The following TRRAP variants were observed in gnomAD, a reference collection of about 807,000 sequenced individuals.
TRRAP encodes the protein transformation/transcription domain-associated protein.
Under a neutral mutation model 438.8 loss-of-function variants are expected in TRRAP, and 41 were observed. The observed-to-expected ratio is 0.09, with a 90% CI of 0.07 to 0.12. The LOEUF (loss-of-function observed/expected upper bound fraction) is 0.12. Among genes scored for constraint, TRRAP ranks in the 10% least tolerant of loss-of-function variants. The probability of loss-of-function intolerance (pLI) is 1.00; values close to 1 mark genes in which losing one functional copy is unlikely to be tolerated. For missense variants in TRRAP, 3,122 were observed against 5,055.1 expected, an observed-to-expected ratio of 0.62 and a Z score of 11.60; for synonymous variants, 1,994 against 1,962.9, an observed-to-expected ratio of 1.02 and a Z score of -0.42.
chr7:98,973,219 A>C (rs1792496940), intron 53 of TRRAP, among the ~76,000 whole-genome samples: 1 of 152,126 alleles, frequency 6.6e-6, no homozygotes, highest in African/African-American at 2.4e-5. Flanking sequence ...ACCTCAGGTG[A>C]TCTGCCTGCC....
At chr7:98,963,675 C>A (rs377679934) in intron 47 of TRRAP, among the ~76,000 whole-genome samples, 1 of 152,220 alleles carries the variant, frequency 6.6e-6, no homozygotes, top group South Asian at 2.1e-4. Context: ...TACAACCAGA[C>A]TGGTCTTTTG....
chr7:98,881,741 G>T (rs1554403141), intron 2 of TRRAP: 3 of 465,070 alleles, frequency 6.5e-6, no homozygotes, highest in Non-Finnish European at 1.1e-5. Context: ...AAAGAGGCAC[G>T]TGTGTGTGTT....
At position 98,917,427 on chromosome 7, in the gene TRRAP, G is replaced by A. The variant is rs1554409690; in HGVS notation, c.2370G>A (p.Leu790=). 1 of 1,614,056 alleles carries A rather than the reference G, an allele frequency of 6.2e-7. No homozygotes were observed. Among genetic ancestry groups the A allele is most frequent in the Non-Finnish European group, 8.5e-7 (1 of 1,179,940 alleles). The change falls in exon 20 of 73, where the codon CTG becomes CTA. Residue 790 remains leucine (L), a synonymous_variant. Coordinates refer to ENST00000456197, the MANE Select transcript of TRRAP (RefSeq NM_001375524.1). ...TAGCTGCACCCCCTTCCCTAGGGCT[G>A]AACATGCTTCAGAGTGGCCTGCACA... is the stretch of plus-strand genomic sequence containing the variant. ...LPLLPNLLQG[L]NMLQSGLHKQ... is the part of the protein sequence containing the mutation.
At chr7:98,975,184 T>C (rs1792600176) in intron 53 of TRRAP, among the ~76,000 whole-genome samples, 1 of 152,248 alleles carries the variant, frequency 6.6e-6, no homozygotes, top group African/African-American at 2.4e-5. Flanking sequence ...TTAGGAGCGT[T>C]CTTTACCTAA....
Position 98,976,931 on chromosome 7 carries a change from G to C in TRRAP, c.8248-8G>C, listed in dbSNP as rs772796983. The C allele has an allele frequency of 3.1e-6, 5 of 1,613,918 alleles. No individual in the cohort carries two copies. Among genetic ancestry groups the C allele is most frequent in the Non-Finnish European group, 2.5e-6 (3 of 1,180,038 alleles). The stretch of plus-strand genomic sequence containing the variant: ...CAAGCACTCAGGAACCTTACTTTGT[G>C]TTTTCAGGAGATACTGGATTCCCTT... On this transcript the variant is annotated splice_region_variant and splice_polypyrimidine_tract_variant and intron_variant, in intron 55 of 72. Transcript: ENST00000456197. This position sits in a 1 kb window ranked among gnomAD's most constrained non-coding sequence, Gnocchi z 4.6.
chr7:98,970,234 G>C lies in TRRAP; in HGVS notation c.7635G>C (p.Met2545Ile), dbSNP rs1047126452. 14 of 1,613,578 alleles carry C rather than the reference G, an allele frequency of 8.7e-6. No homozygotes were observed. Among genetic ancestry groups the C allele is most frequent in the Middle Eastern group, 1.6e-4 (1 of 6,084 alleles). ...ADSHDRAAFAMVTHVKQEPRE... is the reference protein window; with the variant it reads ...ADSHDRAAFAIVTHVKQEPRE... ...GCCACGACCGTGCCGCCTTCGCCAT[G>C]GTCACACATGTCAAGCAGGAGCCCC... The change falls in exon 52 of 73, where the codon ATG becomes ATC. Residue 2545 changes from methionine to isoleucine, a missense_variant. By Grantham distance (10) the Met-to-Ile change is conservative (BLOSUM62 1). Around this residue, in one of 24 missense-constraint regions of TRRAP, gnomAD observed 992 missense variants for 1,281.2 expected, o/e 0.77. Coordinates refer to ENST00000456197, the MANE Select transcript of TRRAP (RefSeq NM_001375524.1).
intron 52 of TRRAP, among the ~76,000 whole-genome samples, 153 bp downstream of exon 52, chr7:98,970,444 G>T (rs1445365667): frequency 6.0e-5 from 9 of 149,490 alleles, no homozygotes. Context: ...CAGAATCCCA[G>T]AGGAGTGGAG....
chr7:98,955,571 T>G (rs1452154957), intron 41 of TRRAP, among the ~76,000 whole-genome samples: 5 of 152,208 alleles, frequency 3.3e-5, no homozygotes, highest in African/African-American at 1.2e-4. Flanking sequence ...CCTTGTATGC[T>G]GCTAAGTTTG....
Position 98,893,816 on chromosome 7 carries a change from G to T in TRRAP, c.385G>T (p.Val129Phe). The T allele has an allele frequency of 6.2e-7, 1 of 1,613,050 alleles. No individual in the cohort carries two copies. The highest frequency in any genetic ancestry group is 8.5e-7 in the Non-Finnish European group (1 of 1,179,542). ...TTTTTAGACGGAAAATGAAGAAAATGTTCTTATTTGTCTAAGAATAATTAT... is the reference window on the plus strand; with the variant it reads ...TTTTTAGACGGAAAATGAAGAAAATTTTCTTATTTGTCTAAGAATAATTAT... ...RFLETENEEN[V>F]LICLRIIIEL... The change falls in exon 6 of 73, where the codon GTT (valine) becomes TTT (phenylalanine). Residue 129 changes from valine to phenylalanine, a missense_variant. By Grantham distance (50) the Val-to-Phe change is conservative. Around this residue, in one of 24 missense-constraint regions of TRRAP, gnomAD observed 343 missense variants for 564.0 expected, o/e 0.61. Coordinates refer to ENST00000456197, the MANE Select transcript of TRRAP (RefSeq NM_001375524.1).
In TRRAP at chr7:98,912,201, A is replaced by G. The variant is rs1554408898; in HGVS notation, c.2187A>G (p.Glu729=). The change falls in exon 18 of 73, where the codon GAA becomes GAG. Residue 729 remains glutamate, a synonymous_variant. Coordinates refer to ENST00000456197, the MANE Select transcript of TRRAP (RefSeq NM_001375524.1). The part of the protein sequence containing the change: ...GSVSLFAAEN[E]QMLKPHLHKI... Reference sequence around the variant, plus strand: ...TCTCCCTCTTTGCAGCTGAAAATGAACAAATGCTGAAGGTAAAGTCCATTT... The same window carrying G: ...TCTCCCTCTTTGCAGCTGAAAATGAGCAAATGCTGAAGGTAAAGTCCATTT... 1.2e-6 allele frequency: 2 copies of G among 1,613,542 alleles called. No homozygotes were observed. Among genetic ancestry groups the G allele is most frequent in the Non-Finnish European group, 1.7e-6 (2 of 1,179,806 alleles).
chr7:99,010,400 C>T (rs540580006), intron 70 of TRRAP, among the ~76,000 whole-genome samples: 94 of 152,302 alleles, frequency 6.2e-4, no homozygotes, highest in Non-Finnish European at 2.4e-4. Context: ...CATGTGTCGC[C>T]GGTGGCCTCC....
chr7:98,918,649 G>A (rs1156974473), intron 20 of TRRAP, among the ~76,000 whole-genome samples: 1 of 152,148 alleles, frequency 6.6e-6, no homozygotes, highest in Non-Finnish European at 1.5e-5. Flanking sequence ...CATAGTAAAG[G>A]GATATTGACT....
chr7:98,958,147 AAC>A, intron 44 of TRRAP, 56 bp downstream of exon 44: 2 of 1,476,808 alleles, frequency 1.4e-6, no homozygotes. Context: ...GCTACTGACT[AAC>A]ACCCCAGGAG....
intron 63 of TRRAP, among the ~76,000 whole-genome samples, chr7:98,989,570 A>C (rs1793297997): frequency 6.6e-6 from 1 of 152,234 alleles, no homozygotes; most frequent in Non-Finnish European, 1.5e-5. Flanking sequence ...TGTCCATTAA[A>C]GGTTTGGATT....
At position 98,910,218 on chromosome 7, in the gene TRRAP, GCCCCACCTCCACCCCCGCCCCCAC is replaced by G. The variant is rs782363557; in HGVS notation, c.1522_1545del (p.Pro508_Pro515del). 1 of 1,377,628 alleles carries G rather than the reference GCCCCACCTCCACCCCCGCCCCCAC, an allele frequency of 7.3e-7. No homozygotes were observed. The highest frequency in any genetic ancestry group is 2.7e-5 in the Admixed American group (1 of 37,504). The allele number at this position is 1,377,628 out of a possible 1,614,324, so 85.3% of individuals were successfully genotyped here. A position where few individuals can be genotyped will look rare whatever the true frequency, so the allele number is the denominator to read the frequency against. ...TGCTCCCTCCCCAGCCCCTGTCCCT[GCCCCACCTCCACCCCCGCCCCCAC>G]CCCCACCTGCCACCCCTGTGACCCC... On this transcript the variant is annotated inframe_deletion, in exon 15 of 73. Transcript: ENST00000456197.
intron 53 of TRRAP, among the ~76,000 whole-genome samples, chr7:98,972,570 C>T (rs1792468052): frequency 6.6e-6 from 1 of 152,168 alleles, no homozygotes. Flanking sequence ...TTGAATCTAG[C>T]CAGGTAGAAA....
In TRRAP at chr7:98,885,321, A is replaced by G. The variant is rs529594498; in HGVS notation, c.150+3297A>G. The stretch of plus-strand genomic sequence containing the variant: ...TCTGGTTGAACTCTGGGCTCAAGCG[A>G]TCCTCCTGCTTTGGCTTCCCAAGGT... On this transcript the variant is annotated intron_variant, in intron 3 of 72. Transcript: ENST00000456197. 2.0e-5 allele frequency among the ~76,000 whole-genome samples: 3 copies of G among 151,710 alleles called. No homozygotes were observed. In the East Asian group the frequency reaches 5.8e-4, roughly 30 times the overall value.
chr7:98,958,018 C>A lies in TRRAP; in HGVS notation c.6269C>A (p.Ser2090Tyr). ...AGCCAGTCGCTACCTGGAGCAGACT[C>A]TCTCCTCGCCAAGCCCATTGACAAG... ...GRSQSLPGADSLLAKPIDKQH... is the reference protein window; with the variant it reads ...GRSQSLPGADYLLAKPIDKQH... Residue 2090 changes from serine (S) to tyrosine (Y), a missense_variant, in exon 44 of 73, where the codon TCT (serine) becomes TAT (tyrosine). By Grantham distance (144) the Ser-to-Tyr change is moderately radical. Coordinates refer to ENST00000456197, the MANE Select transcript of TRRAP (RefSeq NM_001375524.1). 1.9e-6 allele frequency: 3 copies of A among 1,614,186 alleles called. No individual in the cohort carries two copies. The highest frequency in any genetic ancestry group is 2.5e-6 in the Non-Finnish European group (3 of 1,180,034).
chr7:98,920,358 C>T (rs1789724406), intron 20 of TRRAP, among the ~76,000 whole-genome samples: 1 of 151,562 alleles, frequency 6.6e-6, no homozygotes, highest in African/African-American at 2.4e-5. Flanking sequence ...CTTAGCTGCT[C>T]AGGAGGCTGA....
Sources: allele counts gnomAD v4.1 joint callset (sites outside exome capture counted in the v4.1 genomes callset), GRCh38; gene constraint gnomAD v4.1.1; regional missense constraint gnomAD v4.1.1; non-coding constraint Gnocchi (gnomAD v3.1); transcripts MANE v1.5; gene names NCBI Gene and HGNC (gene_info 2026-07-23, HGNC 2026-07-21).